Variants in UPF2 observed in about 807,000 individuals in gnomAD.
UPF2 encodes UPF2 regulator of nonsense mediated mRNA decay.
Under a neutral mutation model 141.4 loss-of-function variants are expected in UPF2, and 17 were observed. The observed-to-expected ratio is 0.12, with a 90% CI of 0.08 to 0.18. The LOEUF (loss-of-function observed/expected upper bound fraction) is 0.18, where lower values mean the gene tolerates loss of function less well. Ranked by LOEUF, UPF2 falls within the 10% of genes least tolerant of loss-of-function variation. The pLI is 1.00. For synonymous variants in UPF2, 540 were observed against 498.0 expected, an observed-to-expected ratio of 1.08 and a Z score of -1.12; for missense variants, 1,152 against 1,515.9, an observed-to-expected ratio of 0.76 and a Z score of 3.99.
intron 21 of UPF2, chr10:11,928,698 G>C (rs1420269281): frequency 2.8e-6 from 1 of 358,264 alleles, no homozygotes; most frequent in African/African-American, 2.3e-5. Flanking sequence ...GACAGAGCCA[G>C]ACTCCGCCTC....
chr10:11,926,999 G>A (rs1367580623), intron 21 of UPF2, among the ~76,000 whole-genome samples: 1 of 152,162 alleles, frequency 6.6e-6, no homozygotes, highest in Non-Finnish European at 1.5e-5. Context: ...CATATCTCCT[G>A]CCTGGTCCTT....
intron 8 of UPF2, among the ~76,000 whole-genome samples, chr10:11,991,906 G>A (rs1833786994): frequency 1.3e-5 from 2 of 152,194 alleles, no homozygotes; most frequent in African/African-American, 2.4e-5. Flanking sequence ...AGCACCTTGG[G>A]AGGCTGAGGT....
intron 4 of UPF2, among the ~76,000 whole-genome samples, chr10:12,011,027 G>A (rs1394730739): frequency 6.6e-6 from 1 of 152,082 alleles, no homozygotes; most frequent in African/African-American, 2.4e-5. Flanking sequence ...TATCACCCAG[G>A]CTGGAGTGCC....
At position 12,013,891 on chromosome 10, in the gene UPF2, T is replaced by A. The variant is rs568438715; in HGVS notation, c.1306+133A>T. The stretch of plus-strand genomic sequence containing the variant: ...TTGAGGTTACAGGCATGAGCCACCA[T>A]GCTTGGCCCATTTTGAAAATGTTGA... On this transcript the variant is annotated intron_variant, in intron 4 of 21. Transcript: ENST00000357604. The A allele has an allele frequency of 7.7e-6, 7 of 903,390 alleles. No individual in the cohort carries two copies. In the South Asian group the frequency reaches 1.6e-4, roughly 20 times the overall value. 56.0% of individuals were successfully genotyped at this position (903,390 alleles called of 1,614,324 possible). A position where few individuals can be genotyped will look rare whatever the true frequency, so the allele number is the denominator to read the frequency against.
intron 8 of UPF2, among the ~76,000 whole-genome samples, chr10:11,988,940 G>A (rs1024883496): frequency 6.6e-6 from 1 of 152,214 alleles, no homozygotes; most frequent in Admixed American, 6.5e-5. Context: ...ACTGGCACTT[G>A]ATTACTATCT....
rs751879739 is a variant in UPF2 at position 12,029,035 on chromosome 10, G to A, written c.855C>T (p.Ser285=). The stretch of plus-strand genomic sequence containing the variant: ...TATTTTTTAGCTGTTCATAGATTAA[G>A]GAAAGACCTTCCTTGTCAGTGAAAA... ...VGIFTDKEGL[S]LIYEQLKNII... is the part of the protein sequence containing the mutation. Residue 285 remains serine, a synonymous_variant, in exon 3 of 22, where the codon TCC becomes TCT. Coordinates refer to ENST00000357604, the MANE Select transcript of UPF2 (RefSeq NM_015542.4). 89 of 1,614,054 alleles carry A rather than the reference G, an allele frequency of 5.5e-5. No homozygotes were observed. The highest frequency in any genetic ancestry group is 7.0e-5 in the Non-Finnish European group (83 of 1,180,040).
intron 6 of UPF2, among the ~76,000 whole-genome samples, chr10:12,000,833 C>T (rs1407747467): frequency 1.3e-5 from 2 of 151,832 alleles, no homozygotes. Context: ...GGAATCCTAG[C>T]TAATCAACTC....
intron 16 of UPF2, among the ~76,000 whole-genome samples, chr10:11,947,181 G>A (rs1260084620): frequency 2.6e-5 from 4 of 152,150 alleles, no homozygotes; most frequent in Non-Finnish European, 4.4e-5. Context: ...CAGCATGGGC[G>A]ACAGTGAAGG....
intron 9 of UPF2, among the ~76,000 whole-genome samples, chr10:11,977,192 A>G (rs1313249401): frequency 1.3e-5 from 2 of 152,194 alleles, no homozygotes; most frequent in South Asian, 2.1e-4. Flanking sequence ...GAAGGAAATG[A>G]AATAGTTGCA....
In UPF2 at chr10:12,042,453, C is replaced by A. The variant is rs567315698; in HGVS notation, c.-19+302G>T. Among the ~76,000 whole-genome samples the A allele has an allele frequency of 6.6e-6, 1 of 152,214 alleles. No individual in the cohort carries two copies. The highest frequency in any genetic ancestry group is 1.9e-4 in the East Asian group (1 of 5,180). On this transcript the variant is annotated intron_variant, in intron 1 of 21. Transcript: ENST00000357604. The surrounding 1 kb of genome is among the most constrained non-coding windows in gnomAD (Gnocchi z 5.5). ...CCCCCGAACACTTTCGCCCCTCCAC[C>A]GCGGGCTCCCCGCCTCCAGTCTCGA...
intron 2 of UPF2, among the ~76,000 whole-genome samples, chr10:12,030,776 C>T (rs979452462): frequency 2.6e-5 from 4 of 151,360 alleles, no homozygotes; most frequent in African/African-American, 4.9e-5. Context: ...CCCAGCTACT[C>T]AGGAGGCTGA....
intron 2 of UPF2, 113 bp from the exon 3 acceptor site, chr10:12,029,637 C>T: frequency 8.2e-7 from 1 of 1,218,938 alleles, no homozygotes; most frequent in East Asian, 2.6e-5. Flanking sequence ...TAACAATCTA[C>T]AAGATTCAAA....
rs774561469 is a variant in UPF2 at position 11,948,396 on chromosome 10, T to A, written c.3147A>T (p.Glu1049Asp). The A allele has an allele frequency of 6.2e-7, 1 of 1,602,280 alleles. No homozygotes were observed. Among genetic ancestry groups the A allele is most frequent in the Non-Finnish European group, 8.5e-7 (1 of 1,173,148 alleles). The change falls in exon 16 of 22, where the codon GAA becomes GAT. Residue 1049 changes from glutamate (E) to aspartate (D), a missense_variant. Coordinates refer to ENST00000357604, the MANE Select transcript of UPF2 (RefSeq NM_015542.4). Reference sequence around the variant, plus strand: ...CTTCTTCTGGCTCATTTACTTCACTTTCATTTCCAGATTGTTCTTCTGTTT... The same window carrying A: ...CTTCTTCTGGCTCATTTACTTCACTATCATTTCCAGATTGTTCTTCTGTTT... Reference protein sequence around the residue: ...GAETEEQSGNESEVNEPEEEE... With the variant: ...GAETEEQSGNDSEVNEPEEEE...
chr10:12,023,128 G>T (rs1309697768), intron 3 of UPF2, among the ~76,000 whole-genome samples: 1 of 152,096 alleles, frequency 6.6e-6, no homozygotes, highest in Non-Finnish European at 1.5e-5. Flanking sequence ...TAACATAATT[G>T]AGTTATAGCC....
chr10:11,996,375 T>C (rs547010678), intron 8 of UPF2, among the ~76,000 whole-genome samples: 13 of 150,944 alleles, frequency 8.6e-5, no homozygotes, highest in African/African-American at 3.2e-4. Flanking sequence ...TGAGATGGAA[T>C]CTCGCTCTGT....
Position 11,968,779 on chromosome 10 carries a change from C to T in UPF2, c.1954-1325G>A, listed in dbSNP as rs530990039. ...GAATTTAACCTCAGAATTCCATTTT[C>T]ATCGGAAAACCAAACCTACAGTCTA... On this transcript the variant is annotated intron_variant, in intron 9 of 21. Transcript: ENST00000357604. 2.6e-5 allele frequency among the ~76,000 whole-genome samples: 4 copies of T among 152,324 alleles called. No individual in the cohort carries two copies. The East Asian group carries it at 7.7e-4, about 29-fold the overall frequency.
rs1439199969 is a variant in UPF2, at chr10:11,954,643, A to AAAATATAT, written c.2850+588_2850+589insATATATTT. Among the ~76,000 whole-genome samples, 418 of 128,330 alleles carry AAAATATAT rather than the reference A, an allele frequency of 3.3e-3. 1 individual carries two copies. Among genetic ancestry groups the AAAATATAT allele is most frequent in the South Asian group, 0.013 (51 of 3,952 alleles). 84.2% of individuals were successfully genotyped at this position (128,330 alleles called of 152,430 possible). ...AGCAAGACTTACTCTCAAAAAAAAA[A>AAAATATAT]ATATATATATATATATATACATATA... On this transcript the variant is annotated intron_variant, in intron 14 of 21. Coordinates refer to ENST00000357604, the MANE Select transcript of UPF2 (RefSeq NM_015542.4).
chr10:11,933,959 A>T (rs979895198), intron 19 of UPF2, among the ~76,000 whole-genome samples: 1 of 152,234 alleles, frequency 6.6e-6, no homozygotes, highest in Non-Finnish European at 1.5e-5. Flanking sequence ...AGACCAAGGT[A>T]TATCTAGCTG....
At chr10:11,976,285 A>G (rs1334206205) in intron 9 of UPF2, among the ~76,000 whole-genome samples, 2 of 152,202 alleles carry the variant, frequency 1.3e-5, no homozygotes, top group African/African-American at 2.4e-5. Context: ...GAGACGGGAA[A>G]AGCTCGTTAA....
Sources: allele counts gnomAD v4.1 joint callset (sites outside exome capture counted in the v4.1 genomes callset), GRCh38; gene constraint gnomAD v4.1.1; non-coding constraint Gnocchi (gnomAD v3.1); transcripts MANE v1.5; gene names NCBI Gene and HGNC (gene_info 2026-07-23, HGNC 2026-07-21).